Variants in NOL6 observed in about 807,000 individuals in gnomAD.
The protein encoded by NOL6 is nucleolar protein 6.
Under a neutral mutation model 131.7 loss-of-function variants are expected in NOL6, and 33 were observed. That is an observed-to-expected ratio of 0.25 (90% CI 0.19 to 0.33). NOL6 has a LOEUF of 0.33. Among genes scored for constraint, NOL6 ranks in the 10% least tolerant of loss-of-function variants. The probability of loss-of-function intolerance (pLI) is 1.00; values close to 1 mark genes in which losing one functional copy is unlikely to be tolerated. For missense variants in NOL6, 1,297 were observed against 1,494.5 expected (o/e 0.87, Z 2.18); for synonymous variants, 580 against 605.7 (o/e 0.96, Z 0.62).
In NOL6 at chr9:33,467,902, C is replaced by A; in HGVS notation, c.1425-34G>T. The A allele has an allele frequency of 6.3e-7, 1 of 1,582,776 alleles. No individual in the cohort carries two copies. The highest frequency in any genetic ancestry group is 8.6e-7 in the Non-Finnish European group (1 of 1,162,074). ...GTACAAAGGGCCAAAGAGGGGTAAT[C>A]AGGTTGCTGGCCCCTAGTACCACCT... is the stretch of plus-strand genomic sequence containing the variant. On this transcript the variant is annotated intron_variant, in intron 11 of 25. Transcript: ENST00000297990. The surrounding 1 kb of genome is among the most constrained non-coding windows in gnomAD (Gnocchi z 4.4).
Position 33,472,222 on chromosome 9 carries a change from C to G in NOL6, c.245G>C (p.Ser82Thr), listed in dbSNP as rs1390040534. The change falls in exon 2 of 26, where the codon AGC (serine) becomes ACC (threonine). Residue 82 changes from serine (S) to threonine (T), a missense_variant. Transcript: ENST00000297990. The part of the protein sequence containing the change: ...LRETEILFHS[S>T]LLRLQVEELL... ...CAACAGTACCTGTAAACGAAGCAAG[C>G]TGGAGTGGAACAAGATCTCAGTCTC... is the stretch of plus-strand genomic sequence containing the variant. 1 of 1,614,222 alleles carries G rather than the reference C, an allele frequency of 6.2e-7. No homozygotes were observed. The highest frequency in any genetic ancestry group is 2.2e-5 in the East Asian group (1 of 44,888).
In NOL6 at chr9:33,472,353, C is replaced by G; in HGVS notation, c.114G>C (p.Lys38Asn). 6.2e-7 allele frequency: 1 copy of G among 1,614,226 alleles called. No homozygotes were observed. Among genetic ancestry groups the G allele is most frequent in the South Asian group, 1.1e-5 (1 of 91,084 alleles). The change falls in exon 2 of 26, where the codon AAG (lysine) becomes AAC (asparagine). Residue 38 changes from lysine (K) to asparagine (N), a missense_variant. Transcript: ENST00000297990. ...GKEGKKASSR[K>N]RTLAEPPAKG... ...TCGCTGGAGGTTCAGCCAATGTACG[C>G]TTCCTGGAGGATGCTTTCTTCCCCT...
Position 33,463,368 on chromosome 9 carries a change from C to A in NOL6, c.3068G>T (p.Arg1023Leu), listed in dbSNP as rs778774327. ...RLSPRHIPRHRQAVDSPAASF... is the reference protein window; with the variant it reads ...RLSPRHIPRHLQAVDSPAASF... ...GGCAGCTGGCGAGTCCACAGCCTGG[C>A]GGTGCCGCGGGATATGGCGAGGAGA... is the stretch of plus-strand genomic sequence containing the variant. The change falls in exon 24 of 26, where the codon CGC becomes CTC. Residue 1023 changes from arginine to leucine, a missense_variant. Physicochemically the swap from Arg to Leu is moderately radical, Grantham distance 102. Transcript: ENST00000297990. 4 of 1,613,866 alleles carry A rather than the reference C, an allele frequency of 2.5e-6. No individual in the cohort carries two copies. Among genetic ancestry groups the A allele is most frequent in the Non-Finnish European group, 3.4e-6 (4 of 1,179,966 alleles).
At position 33,466,416 on chromosome 9, in the gene NOL6, G is replaced by A. The variant is rs1482848792; in HGVS notation, c.2101C>T (p.Pro701Ser). Residue 701 changes from proline to serine, a missense_variant, in exon 17 of 26, where the codon CCA becomes TCA. Coordinates refer to ENST00000297990, the MANE Select transcript of NOL6 (RefSeq NM_022917.5). Reference sequence around the variant, plus strand: ...GAGAAGGCTGGACGGACTGGAGTTGGTGGGAACACCTGTGGAAGAAGAGGG... The same window carrying A: ...GAGAAGGCTGGACGGACTGGAGTTGATGGGAACACCTGTGGAAGAAGAGGG... ...PVLRYTEVFP[P>S]TPVRPAFSFY... The A allele has an allele frequency of 6.2e-7, 1 of 1,614,102 alleles. No homozygotes were observed. The highest frequency in any genetic ancestry group is 1.3e-5 in the African/African-American group (1 of 74,950).
At position 33,472,250 on chromosome 9, in the gene NOL6, G is replaced by C; in HGVS notation, c.217C>G (p.Arg73Gly). ...EPTNEELNRL[R>G]ETEILFHSSL... Reference sequence around the variant, plus strand: ...GAGTGGAACAAGATCTCAGTCTCCCGAAGGCGATTAAGCTCCTCATTGGTA... The same window carrying C: ...GAGTGGAACAAGATCTCAGTCTCCCCAAGGCGATTAAGCTCCTCATTGGTA... Residue 73 changes from arginine to glycine, a missense_variant, in exon 2 of 26, where the codon CGG (arginine) becomes GGG (glycine). By Grantham distance (125) the Arg-to-Gly change is moderately radical (BLOSUM62 -2). Transcript: ENST00000297990. 1.9e-6 allele frequency: 3 copies of C among 1,614,208 alleles called. No individual in the cohort carries two copies.
rs1274368763 is a variant in NOL6, at chr9:33,466,896, ACC to A, written c.1950+14_1950+15del. The A allele has an allele frequency of 7.4e-6, 12 of 1,611,950 alleles. No homozygotes were observed. The highest frequency in any genetic ancestry group is 3.3e-4 in the Middle Eastern group (2 of 6,068). On this transcript the variant is annotated intron_variant, in intron 15 of 25. Transcript: ENST00000297990. ...GATTACTCTACAATCACTAGCCTTGACCCCAAGACCCTTACCTCTTTCAGGCC... is the reference window on the plus strand; with the variant it reads ...GATTACTCTACAATCACTAGCCTTGACCAAGACCCTTACCTCTTTCAGGCC...
chr9:33,471,743 G>A (rs370549622), intron 3 of NOL6, among the ~76,000 whole-genome samples: 3 of 152,134 alleles, frequency 2.0e-5, no homozygotes, highest in Non-Finnish European at 2.9e-5. Flanking sequence ...TACCTGTTAT[G>A]CTTATCTATT....
Position 33,467,009 on chromosome 9 carries a change from A to G in NOL6, c.1875-22T>C. On this transcript the variant is annotated intron_variant, in intron 14 of 25. Coordinates refer to ENST00000297990, the MANE Select transcript of NOL6 (RefSeq NM_022917.5). The surrounding 1 kb of genome is among the most constrained non-coding windows in gnomAD (Gnocchi z 4.4). ...ATGGCTGAAAAAGAGGCAGAGACAC[A>G]GTGAGAAAATTTGGGGCTATGTTCT... 1 of 1,614,086 alleles carries G rather than the reference A, an allele frequency of 6.2e-7. No homozygotes were observed. Among genetic ancestry groups the G allele is most frequent in the Non-Finnish European group, 8.5e-7 (1 of 1,179,976 alleles).
At chr9:33,473,439 C>T (rs1358250751) in intron 1 of NOL6, among the ~76,000 whole-genome samples, 1 of 152,206 alleles carries the variant, frequency 6.6e-6, no homozygotes, top group Non-Finnish European at 1.5e-5. Context: ...GTATGCCCTC[C>T]GCTACAGCGG....
intron 1 of NOL6, 62 bp from the exon 2 acceptor site, chr9:33,472,474 G>A: frequency 7.4e-7 from 1 of 1,342,624 alleles, no homozygotes; most frequent in South Asian, 1.2e-5. Flanking sequence ...GCTGCCTAAA[G>A]TGCCACCATG....
Position 33,467,914 on chromosome 9 carries a change from C to G in NOL6, c.1425-46G>C. 1 of 1,586,178 alleles carries G rather than the reference C, an allele frequency of 6.3e-7. No homozygotes were observed. Among genetic ancestry groups the G allele is most frequent in the East Asian group, 2.2e-5 (1 of 44,542 alleles). On this transcript the variant is annotated intron_variant, in intron 11 of 25. Coordinates refer to ENST00000297990, the MANE Select transcript of NOL6 (RefSeq NM_022917.5). The surrounding 1 kb of genome is among the most constrained non-coding windows in gnomAD (Gnocchi z 4.4). ...AAAGAGGGGTAATCAGGTTGCTGGC[C>G]CCTAGTACCACCTCCTCCCTGAATG...
At chr9:33,471,960 G>A in intron 3 of NOL6, 44 bp downstream of exon 3, 2 of 1,347,552 alleles carry the variant, frequency 1.5e-6, no homozygotes, top group Non-Finnish European at 2.1e-6. Flanking sequence ...ACCCCCACTG[G>A]AGGTCTCTCT....
Position 33,463,307 on chromosome 9 carries a change from G to A in NOL6, c.3129C>T (p.Pro1043=). The change falls in exon 24 of 26, where the codon CCC becomes CCT. Residue 1043 remains proline (P), a synonymous_variant. Transcript: ENST00000297990. Reference sequence around the variant, plus strand: ...AGCCCAGCACGGGCATCAGGGATGAGGGCCCCGGCTGGCTGAGCAGGCCCC... The same window carrying A: ...AGCCCAGCACGGGCATCAGGGATGAAGGCCCCGGCTGGCTGAGCAGGCCCC... The part of the protein sequence containing the change: ...FCRGLLSQPG[P]SSLMPVLGYD... 6.2e-7 allele frequency: 1 copy of A among 1,614,160 alleles called. No individual in the cohort carries two copies. Among genetic ancestry groups the A allele is most frequent in the South Asian group, 1.1e-5 (1 of 91,064 alleles).
At position 33,466,202 on chromosome 9, in the gene NOL6, C is replaced by T. The variant is rs1254370331; in HGVS notation, c.2233G>A (p.Gly745Ser). 2 of 1,611,844 alleles carry T rather than the reference C, an allele frequency of 1.2e-6. No individual in the cohort carries two copies. The highest frequency in any genetic ancestry group is 8.5e-7 in the Non-Finnish European group (1 of 1,178,882). Residue 745 changes from glycine to serine, a missense_variant, in exon 18 of 26, where the codon GGC (glycine) becomes AGC (serine). Physicochemically the swap from Gly to Ser is moderately conservative, Grantham distance 56. Coordinates refer to ENST00000297990, the MANE Select transcript of NOL6 (RefSeq NM_022917.5). ...GCCTCAGCGTCCTGTGGCCACTGGC[C>T]ACTGCCCTCCAGGTGACAAACCACT... ...MTVVCHLEGSGQWPQDAEAVQ... is the reference protein window; with the variant it reads ...MTVVCHLEGSSQWPQDAEAVQ...
In NOL6 at chr9:33,466,324, G is replaced by A. The variant is rs759064707; in HGVS notation, c.2193C>T (p.Tyr731=). 1.4e-5 allele frequency: 22 copies of A among 1,614,050 alleles called. No individual in the cohort carries two copies. Among genetic ancestry groups the A allele is most frequent in the South Asian group, 5.5e-5 (5 of 91,082 alleles). Residue 731 remains tyrosine (Y), a synonymous_variant, in exon 17 of 26, where the codon TAC becomes TAT. Coordinates refer to ENST00000297990, the MANE Select transcript of NOL6 (RefSeq NM_022917.5). Reference sequence around the variant, plus strand: ...CCCTCTTACCGGTCATGGGCTCCACGTAGGCCGGACAGGGCTTATCGAGCC... The same window carrying A: ...CCCTCTTACCGGTCATGGGCTCCACATAGGCCGGACAGGGCTTATCGAGCC... ...LPRLDKPCPA[Y]VEPMTVVCHL...
intron 7 of NOL6, 29 bp downstream of exon 7, chr9:33,468,929 G>A: frequency 6.2e-7 from 1 of 1,613,982 alleles, no homozygotes; most frequent in Non-Finnish European, 8.5e-7. Flanking sequence ...AGGCGCTCAG[G>A]TAGGGAGGCT....
chr9:33,463,771 C>G, intron 23 of NOL6, 60 bp downstream of exon 23: 1 of 1,565,416 alleles, frequency 6.4e-7, no homozygotes, highest in Non-Finnish European at 8.8e-7. Context: ...TCCCTGAACG[C>G]TGAACTTCCA....
At position 33,469,394 on chromosome 9, in the gene NOL6, G is replaced by A. The variant is rs1827345482; in HGVS notation, c.728-53C>T. 2.5e-6 allele frequency: 4 copies of A among 1,612,274 alleles called. No individual in the cohort carries two copies. In the Admixed American group the frequency reaches 6.7e-5, roughly 27 times the overall value. Reference sequence around the variant, plus strand: ...CTGCAGGAGCCCTTGGAGCCAGAGGGCTCCCCATCCTGTCCCCCCATACTT... The same window carrying A: ...CTGCAGGAGCCCTTGGAGCCAGAGGACTCCCCATCCTGTCCCCCCATACTT... On this transcript the variant is annotated intron_variant, in intron 5 of 25. Coordinates refer to ENST00000297990, the MANE Select transcript of NOL6 (RefSeq NM_022917.5).
At chr9:33,473,669 C>T in intron 1 of NOL6, 120 bp downstream of exon 1, 1 of 1,143,078 alleles carries the variant, frequency 8.7e-7, no homozygotes, top group Admixed American at 2.0e-5. Flanking sequence ...CTGGAAACAT[C>T]CTCCAGAATG....
Sources: allele counts gnomAD v4.1 joint callset (sites outside exome capture counted in the v4.1 genomes callset), GRCh38; gene constraint gnomAD v4.1.1; non-coding constraint Gnocchi (gnomAD v3.1); transcripts MANE v1.5; gene names NCBI Gene and HGNC (gene_info 2026-07-23, HGNC 2026-07-21).